The following PRDM10 variants were observed in gnomAD, a reference collection of about 807,000 sequenced individuals.
The protein encoded by PRDM10 is PR/SET domain 10.
A neutral mutation model predicts 133.1 loss-of-function variants in PRDM10; 65 were observed. That is an observed-to-expected ratio of 0.49 (90% CI 0.40 to 0.60). PRDM10 has a LOEUF of 0.60. Among genes scored for constraint, PRDM10 ranks in the 20% least tolerant of loss-of-function variants. The pLI is 0.00. For missense variants in PRDM10, 1,137 were observed against 1,507.1 expected (o/e 0.75, Z 4.07); for synonymous variants, 582 against 580.4 (o/e 1.00, Z -0.04).
At chr11:129,999,514 T>C (rs1453313846) in intron 1 of PRDM10, among the ~76,000 whole-genome samples, 2 of 152,296 alleles carry the variant, frequency 1.3e-5, no homozygotes, top group African/African-American at 2.4e-5. Flanking sequence ...GAGAAGACTA[T>C]GTATTTTAGT....
At chr11:129,944,511 GAA>G (rs1951335639) in intron 6 of PRDM10, among the ~76,000 whole-genome samples, 4 of 151,390 alleles carry the variant, frequency 2.6e-5, no homozygotes, top group Admixed American at 6.6e-5. Context: ...CGTGAACCCG[GAA>G]GGCGGAGCTT....
At chr11:129,938,770 T>C (rs1028824461) in intron 7 of PRDM10, among the ~76,000 whole-genome samples, 8 of 152,204 alleles carry the variant, frequency 5.3e-5, no homozygotes, top group African/African-American at 1.9e-4. Flanking sequence ...AGGCAACGGC[T>C]TCTCGTCTCA....
intron 8 of PRDM10, 65 bp downstream of exon 8, chr11:129,937,533 A>G: frequency 1.4e-6 from 2 of 1,466,002 alleles, no homozygotes; most frequent in South Asian, 2.5e-5. Flanking sequence ...TAGAGGTTTC[A>G]TAAAGATGTG....
In PRDM10 at chr11:129,914,520, C is replaced by A. The variant is rs183110346; in HGVS notation, c.2841+184G>T. On this transcript the variant is annotated intron_variant, in intron 17 of 20. Coordinates refer to ENST00000360871, the MANE Select transcript of PRDM10 (RefSeq NM_199437.2). The stretch of plus-strand genomic sequence containing the variant: ...TTTCCTGACTACTATAGACAGAAAT[C>A]TCTTACATTGCTAAGGCCAGAGGCC... The A allele has an allele frequency of 8.2e-4, 681 of 826,418 alleles. 5 individuals are homozygous for A. Among genetic ancestry groups the A allele is most frequent in the Non-Finnish European group, 1.4e-4 (69 of 500,034 alleles). 51.2% of individuals were successfully genotyped at this position (826,418 alleles called of 1,614,324 possible). A position where few individuals can be genotyped will look rare whatever the true frequency, so the allele number is the denominator to read the frequency against.
At chr11:129,925,649 T>G (rs1950654869) in intron 11 of PRDM10, among the ~76,000 whole-genome samples, 1 of 152,282 alleles carries the variant, frequency 6.6e-6, no homozygotes, top group East Asian at 1.9e-4. Flanking sequence ...ATGTTACTTG[T>G]TGAAATCCAT....
intron 1 of PRDM10, among the ~76,000 whole-genome samples, chr11:129,978,899 T>C (rs1937943502): frequency 1.3e-5 from 2 of 152,172 alleles, no homozygotes; most frequent in Admixed American, 6.5e-5. Flanking sequence ...CCCATCCCAT[T>C]TGAGAGTTTG....
Position 129,961,038 on chromosome 11 carries a change from C to G in PRDM10, c.-74G>C. On this transcript the variant is annotated 5_prime_UTR_variant, in exon 2 of 21. Coordinates refer to ENST00000360871, the MANE Select transcript of PRDM10 (RefSeq NM_199437.2). The stretch of plus-strand genomic sequence containing the variant: ...GGGTACAGGACAGTCATCTGTCTAC[C>G]ACACGTGTGTTCATGAAGGACGGAA... 2 of 1,403,202 alleles carry G rather than the reference C, an allele frequency of 1.4e-6. No individual in the cohort carries two copies. The highest frequency in any genetic ancestry group is 2.0e-6 in the Non-Finnish European group (2 of 995,490). The allele number at this position is 1,403,202 out of a possible 1,614,324, so 86.9% of individuals were successfully genotyped here.
chr11:129,921,604 T>C (rs1212667306), intron 13 of PRDM10, among the ~76,000 whole-genome samples: 1 of 152,220 alleles, frequency 6.6e-6, no homozygotes, highest in African/African-American at 2.4e-5. Context: ...TTACTCTGAT[T>C]CTACTTTGAA....
chr11:129,942,333 T>TA, intron 7 of PRDM10, 93 bp downstream of exon 7: 1 of 1,378,176 alleles, frequency 7.3e-7, no homozygotes, highest in Non-Finnish European at 9.9e-7. Flanking sequence ...CCTTTTTTGT[T>TA]AAACAAACCC....
intron 7 of PRDM10, among the ~76,000 whole-genome samples, chr11:129,939,258 A>G (rs1287336081): frequency 6.6e-6 from 1 of 152,266 alleles, no homozygotes; most frequent in African/African-American, 2.4e-5. Flanking sequence ...AAACACAGTA[A>G]GAGTTCAATA....
intron 7 of PRDM10, 87 bp downstream of exon 7, chr11:129,942,333 TAAACAA>T: frequency 7.3e-7 from 1 of 1,378,172 alleles, no homozygotes; most frequent in Non-Finnish European, 9.9e-7. Flanking sequence ...CCTTTTTTGT[TAAACAA>T]ACCCACTTTA....
At chr11:129,931,749 T>C (rs1268367701) in intron 10 of PRDM10, among the ~76,000 whole-genome samples, 1 of 151,890 alleles carries the variant, frequency 6.6e-6, no homozygotes, top group Non-Finnish European at 1.5e-5. Context: ...TTTGTATTTT[T>C]AGTAGAGACG....
intron 4 of PRDM10, among the ~76,000 whole-genome samples, chr11:129,950,081 C>A (rs1000148364): frequency 6.6e-6 from 1 of 151,674 alleles, no homozygotes; most frequent in East Asian, 1.9e-4. Flanking sequence ...ACAAAAAATA[C>A]AAAATTTAGC....
intron 1 of PRDM10, among the ~76,000 whole-genome samples, chr11:129,977,670 G>A (rs184541171): frequency 6.6e-5 from 10 of 152,282 alleles, no homozygotes; most frequent in East Asian, 1.9e-4. Flanking sequence ...AAAGAAGCAG[G>A]GAGGCCAGGC....
Position 130,001,640 on chromosome 11 carries a change from GCACA to G in PRDM10, c.-119+1078_-119+1081del, listed in dbSNP as rs376639958. 1.5e-3 allele frequency among the ~76,000 whole-genome samples: 231 copies of G among 152,310 alleles called. 1 individual carries two copies. Among genetic ancestry groups the G allele is most frequent in the African/African-American group, 5.2e-3 (215 of 41,578 alleles). Reference sequence around the variant, plus strand: ...ATCCACCAAGCAAGGCTAAAGGCGCGCACACAAATTCAACAGCGCTGCGTTCGCG... The same window carrying G: ...ATCCACCAAGCAAGGCTAAAGGCGCGCAAATTCAACAGCGCTGCGTTCGCG... On this transcript the variant is annotated intron_variant, in intron 1 of 20. Coordinates refer to ENST00000360871, the MANE Select transcript of PRDM10 (RefSeq NM_199437.2).
chr11:129,941,970 T>C (rs767781060), intron 7 of PRDM10, among the ~76,000 whole-genome samples: 1 of 152,212 alleles, frequency 6.6e-6, no homozygotes, highest in Non-Finnish European at 1.5e-5. Context: ...TGCTTTCACG[T>C]TGGCTCTGCG....
chr11:129,910,433 T>TCCC (rs774134253), intron 19 of PRDM10, 43 bp downstream of exon 19: 1 of 1,609,324 alleles, frequency 6.2e-7, no homozygotes, highest in Non-Finnish European at 8.5e-7. Flanking sequence ...TGGCTGGAGA[T>TCCC]CCCCCACCCC....
chr11:129,904,196 T>C (rs1949938965), intron 20 of PRDM10, among the ~76,000 whole-genome samples: 1 of 151,828 alleles, frequency 6.6e-6, no homozygotes, highest in South Asian at 2.1e-4. Flanking sequence ...AATCAGGTTT[T>C]TGAGGCCACA....
rs57429782 is a variant in PRDM10, at chr11:129,923,643, TGAGAGAGAGAGAGAGA to T, written c.1879-256_1879-241del. On this transcript the variant is annotated intron_variant, in intron 12 of 20. Transcript: ENST00000360871. The surrounding 1 kb of genome is among the most constrained non-coding windows in gnomAD (Gnocchi z 4.4). ...CGAACCTCCCCGATGACTTGAAACG[TGAGAGAGAGAGAGAGA>T]GAGAGAGAGAGAGAGAGAGAGAGAG... 9.7e-4 allele frequency among the ~76,000 whole-genome samples: 64 copies of T among 65,882 alleles called. No individual in the cohort carries two copies. Among genetic ancestry groups the T allele is most frequent in the Admixed American group, 4.6e-3 (22 of 4,778 alleles). The allele number at this position is 65,882 out of a possible 152,430, so 43.2% of individuals were successfully genotyped here.
Sources: gnomAD v4.1 joint callset for allele counts (sites outside exome capture counted in the v4.1 genomes callset) on GRCh38, gnomAD v4.1.1 for gene constraint, Gnocchi (gnomAD v3.1) non-coding constraint, MANE v1.5 for transcripts, NCBI Gene and HGNC (gene_info 2026-07-23, HGNC 2026-07-21) for gene names.